TMEM135: variants seen among roughly 807,000 people sequenced by gnomAD.
TMEM135 encodes the protein transmembrane protein 135, also known as peroxisomal membrane protein 52.
A neutral mutation model predicts 60.3 loss-of-function variants in TMEM135; 30 were observed. The observed-to-expected ratio is 0.50, with a 90% CI of 0.37 to 0.68. The LOEUF (loss-of-function observed/expected upper bound fraction) is 0.68, where lower values mean the gene tolerates loss of function less well. TMEM135 is among the 30% of genes least tolerant of loss of function. The probability of loss-of-function intolerance (pLI) is 0.00; values close to 1 mark genes in which losing one functional copy is unlikely to be tolerated. For synonymous variants in TMEM135, 190 were observed against 186.7 expected, an observed-to-expected ratio of 1.02 and a Z score of -0.14; for missense variants, 468 against 548.8, an observed-to-expected ratio of 0.85 and a Z score of 1.47.
At chr11:87,171,722 C>T (rs1246266180) in intron 5 of TMEM135, among the ~76,000 whole-genome samples, 1 of 152,116 alleles carries the variant, frequency 6.6e-6, no homozygotes, top group African/African-American at 2.4e-5. Context: ...CCCTTTCTGC[C>T]TAGGTAGTGG....
In TMEM135 at chr11:87,310,116, T is replaced by G. The variant is rs139790116; in HGVS notation, c.936+444T>G. Among the ~76,000 whole-genome samples, 217 of 152,232 alleles carry G rather than the reference T, an allele frequency of 1.4e-3. 1 individual carries two copies. Among genetic ancestry groups the G allele is most frequent in the African/African-American group, 4.9e-3 (204 of 41,562 alleles). Reference sequence around the variant, plus strand: ...GATAGAATCGGTGAGGATTTTCTATTGTAACTTATATAAGCAATGACTTAG... The same window carrying G: ...GATAGAATCGGTGAGGATTTTCTATGGTAACTTATATAAGCAATGACTTAG... On this transcript the variant is annotated intron_variant, in intron 10 of 14. Coordinates refer to ENST00000305494, the MANE Select transcript of TMEM135 (RefSeq NM_022918.4).
At chr11:87,264,255 CTCTT>C (rs72242643) in intron 6 of TMEM135, among the ~76,000 whole-genome samples, 52,571 of 150,178 alleles carry the variant, frequency 0.35, 9,744 homozygotes, top group Non-Finnish European at 0.42. Context: ...GTCTCTCTCT[CTCTT>C]TTTTTCTCCT....
In TMEM135 at chr11:87,321,451, T is replaced by G; in HGVS notation, c.*118T>G. On this transcript the variant is annotated 3_prime_UTR_variant, in exon 15 of 15. Transcript: ENST00000305494. ...GTGTTATTTCAGTTAGAGATACTCT[T>G]TTCATTTGTTTTGTTTTTCTTATGA... is the stretch of plus-strand genomic sequence containing the variant. 1 of 1,118,476 alleles carries G rather than the reference T, an allele frequency of 8.9e-7. No homozygotes were observed. The highest frequency in any genetic ancestry group is 1.3e-6 in the Non-Finnish European group (1 of 747,474). 69.3% of individuals were successfully genotyped at this position (1,118,476 alleles called of 1,614,324 possible).
intron 6 of TMEM135, among the ~76,000 whole-genome samples, chr11:87,287,845 C>T (rs1942196083): frequency 1.3e-5 from 2 of 152,092 alleles, no homozygotes; most frequent in African/African-American, 2.4e-5. Flanking sequence ...TTTTACAACC[C>T]TGTTAATTAG....
intron 4 of TMEM135, among the ~76,000 whole-genome samples, chr11:87,134,140 C>G (rs1240542711): frequency 6.6e-6 from 1 of 151,992 alleles, no homozygotes; most frequent in Non-Finnish European, 1.5e-5. Context: ...ATCTAGAAGT[C>G]TGGGATCAAG....
chr11:87,240,926 C>T (rs904838795), intron 6 of TMEM135, among the ~76,000 whole-genome samples: 1 of 152,108 alleles, frequency 6.6e-6, no homozygotes, highest in African/African-American at 2.4e-5. Context: ...CTATATGGGA[C>T]TGATTCACAG....
chr11:87,185,913 C>CTTTTTTTTTTTTTTTTTTTTT (rs367985910), intron 5 of TMEM135, among the ~76,000 whole-genome samples: 6 of 138,892 alleles, frequency 4.3e-5, no homozygotes, highest in Admixed American at 7.2e-5. Context: ...AGTTATCCTT[C>CTTTTTTTTTTTTTTTTTTTTT]TTTTTTTTTT....
At chr11:87,282,901 T>C (rs569515496) in intron 6 of TMEM135, among the ~76,000 whole-genome samples, 1 of 152,366 alleles carries the variant, frequency 6.6e-6, no homozygotes, top group Admixed American at 6.5e-5. Flanking sequence ...GATTCCATTA[T>C]GTGTTGACTC....
At chr11:87,108,178 G>C (rs546014960) in intron 4 of TMEM135, among the ~76,000 whole-genome samples, 20 of 152,210 alleles carry the variant, frequency 1.3e-4, no homozygotes, top group African/African-American at 4.6e-4. Context: ...TGTCAGATGG[G>C]TAGATTGCAA....
intron 1 of TMEM135, among the ~76,000 whole-genome samples, chr11:87,061,178 A>G (rs1158725216): frequency 6.6e-6 from 1 of 152,220 alleles, no homozygotes; most frequent in Non-Finnish European, 1.5e-5. Flanking sequence ...AAATTCTGGA[A>G]CTAACATATT....
At chr11:87,199,657 C>T (rs936838098) in intron 5 of TMEM135, among the ~76,000 whole-genome samples, 1 of 151,996 alleles carries the variant, frequency 6.6e-6, no homozygotes, top group Non-Finnish European at 1.5e-5. Context: ...TGGCTAGGAG[C>T]GGTGGCTCAT....
intron 5 of TMEM135, among the ~76,000 whole-genome samples, chr11:87,227,881 G>A (rs1591120043): frequency 6.6e-6 from 1 of 152,114 alleles, no homozygotes; most frequent in African/African-American, 2.4e-5. Context: ...GTACTGTTTA[G>A]TTTCTTTGAC....
intron 5 of TMEM135, among the ~76,000 whole-genome samples, chr11:87,208,376 G>A (rs1011444018): frequency 1.3e-5 from 2 of 151,990 alleles, no homozygotes; most frequent in African/African-American, 4.8e-5. Context: ...AAAACAAACT[G>A]AACTTCTAGA....
In TMEM135 at chr11:87,295,843, A is replaced by G. The variant is rs1172880168; in HGVS notation, c.551+20A>G. 7 of 1,590,348 alleles carry G rather than the reference A, an allele frequency of 4.4e-6. No homozygotes were observed. Among genetic ancestry groups the G allele is most frequent in the Non-Finnish European group, 6.0e-6 (7 of 1,160,702 alleles). On this transcript the variant is annotated intron_variant, in intron 7 of 14. Transcript: ENST00000305494. ...ACTTAGGTAAGAAACATTTATTTTT[A>G]TGTTGAGAGAGAATTTACAAGTTAA...
At chr11:87,299,591 A>G (rs73531628) in intron 7 of TMEM135, among the ~76,000 whole-genome samples, 6,433 of 152,262 alleles carry the variant, frequency 0.042, 448 homozygotes, top group African/African-American at 0.14. Flanking sequence ...TGATAGATAT[A>G]CTTAGTGTAC....
chr11:87,167,805 AG>A (rs1939103023), intron 5 of TMEM135, among the ~76,000 whole-genome samples: 1 of 152,154 alleles, frequency 6.6e-6, no homozygotes, highest in Non-Finnish European at 1.5e-5. Context: ...TTTTGGTATC[AG>A]GATGATGCTG....
intron 6 of TMEM135, among the ~76,000 whole-genome samples, chr11:87,263,769 C>T (rs1445306329): frequency 6.6e-6 from 1 of 151,978 alleles, no homozygotes; most frequent in Non-Finnish European, 1.5e-5. Flanking sequence ...ATTTTTGTAG[C>T]TTTTCTTAGA....
intron 4 of TMEM135, among the ~76,000 whole-genome samples, chr11:87,093,937 G>T (rs1247306294): frequency 6.6e-6 from 1 of 151,978 alleles, no homozygotes; most frequent in Non-Finnish European, 1.5e-5. Context: ...ATAAAATCCA[G>T]ATTTTATGTT....
At chr11:87,077,903 G>A (rs150690499) in intron 3 of TMEM135, among the ~76,000 whole-genome samples, 7 of 152,214 alleles carry the variant, frequency 4.6e-5, no homozygotes, top group Non-Finnish European at 7.4e-5. Flanking sequence ...GAAGTTTGAT[G>A]TCATACGTAT....
Sources: gnomAD v4.1 joint callset for allele counts (sites outside exome capture counted in the v4.1 genomes callset) on GRCh38, gnomAD v4.1.1 for gene constraint, MANE v1.5 for transcripts, NCBI Gene and HGNC (gene_info 2026-07-23, HGNC 2026-07-21) for gene names.